Variants in FAM184A observed in about 807,000 individuals in gnomAD.
The protein encoded by FAM184A is family with sequence similarity 184 member A, also known as protein FAM184A.
A neutral mutation model predicts 143.8 loss-of-function variants in FAM184A; 99 were observed. That is an observed-to-expected ratio of 0.69 (90% confidence interval 0.58 to 0.81). The LOEUF is 0.81. Among genes scored for constraint, FAM184A ranks in the 40% least tolerant of loss-of-function variants. FAM184A has a pLI of 0.00. For synonymous variants in FAM184A, 427 were observed against 446.4 expected (o/e 0.96, Z 0.55); for missense variants, 1,217 against 1,310.5 (o/e 0.93, Z 1.10).
chr6:119,104,765 T>C (rs1006406779), intron 1 of FAM184A, among the ~76,000 whole-genome samples: 8 of 152,252 alleles, frequency 5.3e-5, no homozygotes, highest in Admixed American at 3.3e-4. Flanking sequence ...AAAAGCCCTA[T>C]AAAACGCGCG....
At chr6:119,139,668 G>A (rs1772149189) in intron 1 of FAM184A, among the ~76,000 whole-genome samples, 1 of 150,640 alleles carries the variant, frequency 6.6e-6, no homozygotes, top group South Asian at 2.1e-4. Flanking sequence ...AAAAACCACT[G>A]GGGATATTTG....
intron 9 of FAM184A, among the ~76,000 whole-genome samples, chr6:118,986,778 C>T (rs144075044): frequency 1.3e-5 from 2 of 152,070 alleles, no homozygotes; most frequent in African/African-American, 4.8e-5. Flanking sequence ...TAATCATATC[C>T]TATTTGGGTT....
intron 1 of FAM184A, among the ~76,000 whole-genome samples, chr6:119,103,215 A>AC (rs1788689662): frequency 6.6e-6 from 1 of 152,212 alleles, no homozygotes; most frequent in African/African-American, 2.4e-5. Flanking sequence ...CCATCTTGTT[A>AC]CCAGTCAGAG....
At chr6:119,101,169 C>A (rs911033973) in intron 1 of FAM184A, among the ~76,000 whole-genome samples, 2 of 149,434 alleles carry the variant, frequency 1.3e-5, no homozygotes, top group African/African-American at 2.5e-5. Flanking sequence ...TGGGTTCAAG[C>A]AATTCTCCTG....
chr6:119,021,380 C>T (rs1164735044), intron 3 of FAM184A, among the ~76,000 whole-genome samples: 1 of 152,162 alleles, frequency 6.6e-6, no homozygotes, highest in Non-Finnish European at 1.5e-5. Context: ...TGTGAAAAAG[C>T]ATACCAGCCA....
At chr6:119,036,265 C>T (rs925171238) in intron 1 of FAM184A, among the ~76,000 whole-genome samples, 4 of 150,918 alleles carry the variant, frequency 2.7e-5, no homozygotes, top group South Asian at 2.1e-4. Flanking sequence ...AGCCATTCTT[C>T]GTACATTATG....
chr6:119,047,891 G>A (rs868681145), intron 1 of FAM184A, among the ~76,000 whole-genome samples: 1 of 152,088 alleles, frequency 6.6e-6, no homozygotes, highest in African/African-American at 2.4e-5. Flanking sequence ...GCCAGCATTA[G>A]TCTGATACCA....
chr6:119,128,253 C>T (rs545225516), intron 1 of FAM184A, among the ~76,000 whole-genome samples: 2 of 152,220 alleles, frequency 1.3e-5, no homozygotes, highest in South Asian at 2.1e-4. Context: ...GGAAAGCCCG[C>T]AAAACCAAGA....
rs759627751 is a variant in FAM184A at position 119,002,990 on chromosome 6, G to A, written c.1997C>T (p.Ser666Leu). The change falls in exon 9 of 18, where the codon TCA becomes TTA. Residue 666 changes from serine (S) to leucine (L), a missense_variant. Transcript: ENST00000338891. Reference protein sequence around the residue: ...LRLQHEEDKKSAMSQLLQLKD... With the variant: ...LRLQHEEDKKLAMSQLLQLKD... ...CAACTGCAAAAGTTGAGACATTGCT[G>A]ACTTCTTATCCTCTTCATGTTGAAG... 19 of 1,612,924 alleles carry A rather than the reference G, an allele frequency of 1.2e-5. No individual in the cohort carries two copies. The East Asian group carries it at 3.6e-4, about 30-fold the overall frequency.
In FAM184A at chr6:119,142,480, A is replaced by G. The variant is rs1772278689; in HGVS notation, c.-202+6598T>C. ...TCATCCTCCCAGGTATGAAAACGAC[A>G]TTGAACATTTAACAACTCACAGTGA... On this transcript the variant is annotated intron_variant, in intron 1 of 16. Transcript: ENST00000352896. Among the ~76,000 whole-genome samples the G allele has an allele frequency of 2.0e-5, 3 of 152,230 alleles. No individual in the cohort carries two copies. The South Asian group carries it at 6.2e-4, about 31-fold the overall frequency.
At chr6:119,134,361 T>C (rs1371539921) in intron 1 of FAM184A, among the ~76,000 whole-genome samples, 1 of 152,152 alleles carries the variant, frequency 6.6e-6, no homozygotes, top group Non-Finnish European at 1.5e-5. Flanking sequence ...CTCCTAAAGA[T>C]ATTATTGCAC....
rs559767420 is a variant in FAM184A at position 119,016,457 on chromosome 6, C to T, written c.1530+290G>A. Among the ~76,000 whole-genome samples the T allele has an allele frequency of 1.7e-4, 26 of 152,224 alleles. No homozygotes were observed. In the South Asian group the frequency reaches 5.0e-3, roughly 29 times the overall value. On this transcript the variant is annotated intron_variant, in intron 5 of 17. Coordinates refer to ENST00000338891, the MANE Select transcript of FAM184A (RefSeq NM_024581.6). ...CCACGAGCCCACTGGGAGGAACGAA[C>T]AACTCCAGACGCGCTACCTTAAGAG... is the stretch of plus-strand genomic sequence containing the variant.
intron 1 of FAM184A, chr6:119,031,262 G>A (rs1009038198): frequency 6.6e-6 from 1 of 152,130 alleles, no homozygotes; most frequent in East Asian, 1.9e-4. Context: ...AAGCCCTAAC[G>A]CCCAATATGA....
At chr6:119,073,593 T>A (rs1288452828) in intron 1 of FAM184A, among the ~76,000 whole-genome samples, 1 of 152,112 alleles carries the variant, frequency 6.6e-6, no homozygotes, top group African/African-American at 2.4e-5. Flanking sequence ...TTTCAGAGAT[T>A]TCCCTGGGGA....
At chr6:119,019,912 C>T (rs1056144862) in intron 4 of FAM184A, 66 bp downstream of exon 4, 2 of 1,366,804 alleles carry the variant, frequency 1.5e-6, no homozygotes, top group East Asian at 4.9e-5. Context: ...ACTCCAAATA[C>T]TTCAAATGTG....
chr6:119,101,954 G>A (rs140769552), intron 1 of FAM184A, among the ~76,000 whole-genome samples: 1,897 of 152,196 alleles, frequency 0.012, 40 homozygotes, highest in African/African-American at 0.043. Context: ...TACTCAGGAG[G>A]CTGAGGTAGG....
intron 1 of FAM184A, among the ~76,000 whole-genome samples, chr6:119,115,464 G>A (rs534852992): frequency 6.6e-6 from 1 of 152,324 alleles, no homozygotes; most frequent in Non-Finnish European, 1.5e-5. Flanking sequence ...GGCCAAGGCA[G>A]GAGGATAGCT....
At chr6:119,127,154 A>C (rs1000708337) in intron 1 of FAM184A, among the ~76,000 whole-genome samples, 8 of 152,206 alleles carry the variant, frequency 5.3e-5, no homozygotes, top group African/African-American at 1.9e-4. Flanking sequence ...TCCAGGCTCG[A>C]GGGTGGGGCC....
intron 9 of FAM184A, among the ~76,000 whole-genome samples, chr6:119,000,856 C>T (rs1784732190): frequency 6.6e-6 from 1 of 151,834 alleles, no homozygotes; most frequent in African/African-American, 2.4e-5. Context: ...ATGCTGCTGG[C>T]CTTGCGGGGC....
Sources: allele counts gnomAD v4.1 joint callset (sites outside exome capture counted in the v4.1 genomes callset), GRCh38; gene constraint gnomAD v4.1.1; transcripts MANE v1.5; gene names NCBI Gene and HGNC (gene_info 2026-07-23, HGNC 2026-07-21).